BANP: variants seen among roughly 807,000 people sequenced by gnomAD.
BANP encodes the protein BTG3 associated nuclear protein.
BANP carries 11 observed loss-of-function variants against 68.1 expected under a neutral mutation model. The ratio of observed to expected loss-of-function variants is 0.16; its 90% CI spans 0.10 to 0.27. The LOEUF (loss-of-function observed/expected upper bound fraction) is 0.27. Among genes scored for constraint, BANP ranks in the 10% least tolerant of loss-of-function variants. The probability of loss-of-function intolerance (pLI) is 1.00; values close to 1 mark genes in which losing one functional copy is unlikely to be tolerated. For synonymous variants in BANP, 329 were observed against 303.2 expected (o/e 1.09, Z -0.88); for missense variants, 504 against 722.7 (o/e 0.70, Z 3.47).
At position 87,975,625 on chromosome 16, in the gene BANP, G is replaced by A. The variant is rs558184115; in HGVS notation, c.70+440G>A. On this transcript the variant is annotated intron_variant, in intron 2 of 13. Coordinates refer to ENST00000682872, the MANE Select transcript of BANP (RefSeq NM_001386991.1). ...GTTGTGTGTGTAATCCCCTGTGTGC[G>A]GCGTCCAGGATCCTTACCATGTTGT... Among the ~76,000 whole-genome samples the A allele has an allele frequency of 1.6e-3, 238 of 150,392 alleles. 1 individual carries two copies. Among genetic ancestry groups the A allele is most frequent in the Non-Finnish European group, 2.4e-3 (163 of 67,394 alleles).
chr16:87,976,955 G>T (rs900793536), intron 2 of BANP, among the ~76,000 whole-genome samples: 34 of 152,228 alleles, frequency 2.2e-4, no homozygotes, highest in Non-Finnish European at 2.9e-5. Context: ...ATCATTTTTG[G>T]TGATTTCAGA....
chr16:88,032,293 C>G (rs1415997401), intron 8 of BANP, among the ~76,000 whole-genome samples: 2 of 151,990 alleles, frequency 1.3e-5, no homozygotes, highest in Non-Finnish European at 2.9e-5. Flanking sequence ...CCTCCGCCTC[C>G]CAGGTTCAAG....
chr16:88,009,896 A>G (rs1429385743), intron 6 of BANP, among the ~76,000 whole-genome samples: 1 of 151,526 alleles, frequency 6.6e-6, no homozygotes, highest in East Asian at 1.9e-4. Context: ...AATAAGAGGG[A>G]CTGTAGCTCC....
At chr16:87,958,760 T>C (rs1461566276) in intron 1 of BANP, among the ~76,000 whole-genome samples, 2 of 152,190 alleles carry the variant, frequency 1.3e-5, no homozygotes, top group African/African-American at 4.8e-5. Context: ...GTGACTGTGA[T>C]TGAACATGTG....
At chr16:88,033,300 G>C in intron 9 of BANP, 55 bp downstream of exon 9, 1 of 1,466,890 alleles carries the variant, frequency 6.8e-7, no homozygotes, top group Non-Finnish European at 9.1e-7. Context: ...GGTGGGCCAC[G>C]GCAGGGCCAT....
At chr16:88,006,367 C>T (rs1567729390) in intron 6 of BANP, 102 bp downstream of exon 6, 8 of 1,385,370 alleles carry the variant, frequency 5.8e-6, no homozygotes, top group Non-Finnish European at 7.7e-6. Flanking sequence ...GATACAGTGG[C>T]CAGGCGCGGT....
intron 13 of BANP, among the ~76,000 whole-genome samples, chr16:88,073,731 G>A (rs545361231): frequency 1.1e-3 from 173 of 152,318 alleles, no homozygotes; most frequent in African/African-American, 3.9e-3. Context: ...TGAGGTCCGC[G>A]CCCAGGAAAC....
chr16:88,054,767 T>C lies in BANP; in HGVS notation c.1312-10500T>C, dbSNP rs2084550963. 2.0e-5 allele frequency among the ~76,000 whole-genome samples: 3 copies of C among 152,250 alleles called. No homozygotes were observed. The South Asian group carries it at 6.2e-4, about 32-fold the overall frequency. Reference sequence around the variant, plus strand: ...ATGGAGGGTCAGTGGGCATGGCTTCTGTCCTTACTATGTAGGCCTTGAGTA... The same window carrying C: ...ATGGAGGGTCAGTGGGCATGGCTTCCGTCCTTACTATGTAGGCCTTGAGTA... On this transcript the variant is annotated intron_variant, in intron 11 of 13. Transcript: ENST00000682872.
At chr16:88,041,053 C>G (rs903173395) in intron 11 of BANP, among the ~76,000 whole-genome samples, 2 of 150,924 alleles carry the variant, frequency 1.3e-5, no homozygotes, top group Non-Finnish European at 2.9e-5. Context: ...GGGGCCTGTG[C>G]CCTGTGCCCT....
intron 4 of BANP, among the ~76,000 whole-genome samples, chr16:87,997,988 C>T (rs1389530134): frequency 1.3e-5 from 2 of 152,210 alleles, no homozygotes; most frequent in African/African-American, 2.4e-5. Flanking sequence ...TCTAGGCTGT[C>T]TTTTGGCATC....
chr16:88,072,047 G>T (rs1461173796), intron 12 of BANP, 22 bp from the exon 13 acceptor site: 3 of 1,554,036 alleles, frequency 1.9e-6, no homozygotes, highest in Middle Eastern at 3.3e-4. Context: ...CCGCTGACGG[G>T]CCCCCGTGTG....
chr16:88,022,320 T>C (rs1042434268), intron 7 of BANP, among the ~76,000 whole-genome samples: 1 of 152,214 alleles, frequency 6.6e-6, no homozygotes, highest in Non-Finnish European at 1.5e-5. Context: ...TCTAAGGCCG[T>C]GCCACCCTGA....
intron 7 of BANP, among the ~76,000 whole-genome samples, chr16:88,020,717 C>G (rs1486174446): frequency 6.6e-6 from 1 of 152,170 alleles, no homozygotes; most frequent in Non-Finnish European, 1.5e-5. Flanking sequence ...GGTGAGGAGT[C>G]CCTGCTCCTC....
At chr16:87,976,070 C>G (rs1438287526) in intron 2 of BANP, among the ~76,000 whole-genome samples, 1 of 152,188 alleles carries the variant, frequency 6.6e-6, no homozygotes, top group African/African-American at 2.4e-5. Context: ...CACAGGTGCC[C>G]CCTCCACAGT....
chr16:88,002,826 G>T lies in BANP; in HGVS notation c.363-1469G>T, dbSNP rs1462542034. Among the ~76,000 whole-genome samples, 2 of 152,196 alleles carry T rather than the reference G, an allele frequency of 1.3e-5. No homozygotes were observed. The highest frequency in any genetic ancestry group is 3.8e-4 in the East Asian group (2 of 5,196). Reference sequence around the variant, plus strand: ...CTGTCAGTGTGCCAGTGGCCACTGTGAATAGTCATTAGGGGACTGTTGGCT... The same window carrying T: ...CTGTCAGTGTGCCAGTGGCCACTGTTAATAGTCATTAGGGGACTGTTGGCT... On this transcript the variant is annotated intron_variant, in intron 4 of 13. Coordinates refer to ENST00000682872, the MANE Select transcript of BANP (RefSeq NM_001386991.1). This position sits in a 1 kb window ranked among gnomAD's most constrained non-coding sequence, Gnocchi z 4.6.
intron 7 of BANP, among the ~76,000 whole-genome samples, chr16:88,023,924 G>C (rs545481441): frequency 1.3e-5 from 2 of 152,192 alleles, no homozygotes; most frequent in African/African-American, 4.8e-5. Flanking sequence ...GTGTAGTGTG[G>C]GGATATGGCT....
intron 5 of BANP, among the ~76,000 whole-genome samples, chr16:88,005,437 T>C (rs1453222028): frequency 6.6e-6 from 1 of 152,138 alleles, no homozygotes. Context: ...CGGTAGAGGA[T>C]GTTGAAAGGG....
chr16:87,966,410 G>A (rs1378883687), intron 1 of BANP, among the ~76,000 whole-genome samples: 4 of 152,226 alleles, frequency 2.6e-5, no homozygotes, highest in African/African-American at 9.6e-5. Flanking sequence ...GGACTTCTGA[G>A]AAATGGCAAA....
Position 88,003,834 on chromosome 16 carries a change from C to A in BANP, c.363-461C>A. 1 of 305,994 alleles carries A rather than the reference C, an allele frequency of 3.3e-6. No individual in the cohort carries two copies. The highest frequency in any genetic ancestry group is 2.9e-5 in the South Asian group (1 of 34,864). The allele number at this position is 305,994 out of a possible 1,614,324, so 19.0% of individuals were successfully genotyped here. On this transcript the variant is annotated intron_variant, in intron 4 of 13. Coordinates refer to ENST00000682872, the MANE Select transcript of BANP (RefSeq NM_001386991.1). The surrounding 1 kb of genome is among the most constrained non-coding windows in gnomAD (Gnocchi z 6.1). ...AGGGCGCTACCGTTTTGGAATGATA[C>A]CAACACTTACGTGGTTACGAACGTT...
Sources: allele counts gnomAD v4.1 joint callset (sites outside exome capture counted in the v4.1 genomes callset), GRCh38; gene constraint gnomAD v4.1.1; non-coding constraint Gnocchi (gnomAD v3.1); transcripts MANE v1.5; gene names NCBI Gene and HGNC (gene_info 2026-07-23, HGNC 2026-07-21).